CDH11: variants seen among roughly 807,000 people sequenced by gnomAD.
CDH11 encodes cadherin 11.
CDH11 carries 11 observed loss-of-function variants against 67.8 expected under a neutral mutation model. The ratio of observed to expected loss-of-function variants is 0.16; its 90% CI spans 0.10 to 0.27. The LOEUF (loss-of-function observed/expected upper bound fraction) is 0.27, where lower values mean the gene tolerates loss of function less well. CDH11 is among the 10% of genes least tolerant of loss of function. The pLI is 1.00. For missense variants in CDH11, 847 were observed against 1,031.2 expected (o/e 0.82, Z 2.45); for synonymous variants, 419 against 400.0 (o/e 1.05, Z -0.57).
chr16:64,992,971 T>G lies in CDH11; in HGVS notation c.587A>C (p.Lys196Thr), dbSNP rs2072668536. The G allele has an allele frequency of 6.2e-7, 1 of 1,612,012 alleles. No homozygotes were observed. Among genetic ancestry groups the G allele is most frequent in the Non-Finnish European group, 8.5e-7 (1 of 1,178,104 alleles). ...ADDPTYGNSA[K>T]LVYSILEGQP... ...TCCTTCGAGGATACTGTACACTAAC[T>G]TGGCGCTATTTCCATAAGTGGGGTC... The change falls in exon 5 of 13, where the codon AAG becomes ACG. Residue 196 changes from lysine (K) to threonine (T), a missense_variant. Coordinates refer to ENST00000268603, the MANE Select transcript of CDH11 (RefSeq NM_001797.4).
At chr16:65,097,117 C>T (rs573069905) in intron 1 of CDH11, among the ~76,000 whole-genome samples, 2 of 152,190 alleles carry the variant, frequency 1.3e-5, no homozygotes, top group African/African-American at 4.8e-5. Flanking sequence ...GGTTGTTTTA[C>T]ATACACAGAG....
chr16:65,067,569 A>C (rs999385659), intron 1 of CDH11, among the ~76,000 whole-genome samples: 1 of 152,068 alleles, frequency 6.6e-6, no homozygotes, highest in Non-Finnish European at 1.5e-5. Context: ...TTGCTCATTC[A>C]TTCATTCTTT....
chr16:65,113,869 A>G (rs796665648), intron 1 of CDH11, among the ~76,000 whole-genome samples: 3 of 152,258 alleles, frequency 2.0e-5, no homozygotes, highest in African/African-American at 4.8e-5. Flanking sequence ...TAAGTAGCTC[A>G]TGAGGGCATT....
Position 64,962,525 on chromosome 16 carries a change from A to T in CDH11, c.1642+9054T>A, listed in dbSNP as rs142535888. 6.6e-5 allele frequency among the ~76,000 whole-genome samples: 10 copies of T among 152,140 alleles called. No individual in the cohort carries two copies. In the East Asian group the frequency reaches 1.9e-3, roughly 29 times the overall value. On this transcript the variant is annotated intron_variant, in intron 11 of 12. Transcript: ENST00000268603. ...AAATTGATGGAGGCCCAGTGTGGAG[A>T]AGTTAAAATCTCTAGGGGAACCCAG... is the stretch of plus-strand genomic sequence containing the variant.
chr16:65,067,887 G>C (rs980474746), intron 1 of CDH11, among the ~76,000 whole-genome samples: 1 of 140,112 alleles, frequency 7.1e-6, no homozygotes, highest in Non-Finnish European at 1.6e-5. Context: ...AGGAAGGGAG[G>C]GAGAGAGGAA....
chr16:65,072,630 G>C (rs2074438234), intron 1 of CDH11, among the ~76,000 whole-genome samples: 1 of 152,200 alleles, frequency 6.6e-6, no homozygotes, highest in Non-Finnish European at 1.5e-5. Context: ...TAAAGGGGTA[G>C]ATTTTTCAGA....
At chr16:64,965,414 T>A (rs1174716430) in intron 11 of CDH11, among the ~76,000 whole-genome samples, 1 of 151,890 alleles carries the variant, frequency 6.6e-6, no homozygotes, top group African/African-American at 2.4e-5. Context: ...AACTAAGATG[T>A]AAACCCACAC....
At chr16:65,012,844 A>T (rs2142552628) in intron 2 of CDH11, among the ~76,000 whole-genome samples, 1 of 152,344 alleles carries the variant, frequency 6.6e-6, no homozygotes, top group Admixed American at 6.5e-5. Context: ...TAGCTGTATG[A>T]ATCACTTGTT....
intron 12 of CDH11, 38 bp downstream of exon 12, chr16:64,950,729 C>T (rs1250922795): frequency 1.9e-6 from 3 of 1,602,072 alleles, no homozygotes; most frequent in Admixed American, 1.7e-5. Context: ...CATCCGGTTG[C>T]CTGGCCCTTC....
rs143177936 is a variant in CDH11, at chr16:64,992,625, G to A, written c.643+290C>T. ...TGTGAGGAATATAGAGAGCACTGTG[G>A]AAGACTTAGTCCTTATTGCTCTCTT... On this transcript the variant is annotated intron_variant, in intron 5 of 12. Coordinates refer to ENST00000268603, the MANE Select transcript of CDH11 (RefSeq NM_001797.4). 1.6e-4 allele frequency among the ~76,000 whole-genome samples: 24 copies of A among 152,316 alleles called. No homozygotes were observed. The East Asian group carries it at 4.1e-3, about 26-fold the overall frequency.
At chr16:65,122,625 G>A (rs2075354363), upstream of CDH11, among the ~76,000 whole-genome samples, 1 of 152,126 alleles carries the variant, frequency 6.6e-6, no homozygotes, top group Non-Finnish European at 1.5e-5. Flanking sequence ...CCTCAACGTT[G>A]GCGGCTCCTG....
intron 1 of CDH11, among the ~76,000 whole-genome samples, chr16:65,110,098 C>T (rs139019429): frequency 7.7e-4 from 117 of 152,134 alleles, no homozygotes; most frequent in Middle Eastern, 3.4e-3. Context: ...CTCAAACTCC[C>T]GGGCTCAAGC....
At chr16:65,003,223 G>A (rs2072967276) in intron 3 of CDH11, among the ~76,000 whole-genome samples, 1 of 151,354 alleles carries the variant, frequency 6.6e-6, no homozygotes, top group African/African-American at 2.4e-5. Context: ...AACTGGCATT[G>A]TTAATAATCA....
At chr16:65,069,680 A>G (rs547967618) in intron 1 of CDH11, among the ~76,000 whole-genome samples, 1 of 152,328 alleles carries the variant, frequency 6.6e-6, no homozygotes, top group South Asian at 2.1e-4. Context: ...GAATCATCGA[A>G]GTGTCAAATT....
At chr16:65,109,660 A>C (rs1271318024) in intron 1 of CDH11, among the ~76,000 whole-genome samples, 1 of 152,088 alleles carries the variant, frequency 6.6e-6, no homozygotes, top group African/African-American at 2.4e-5. Context: ...AGATTTTTGC[A>C]TTGGCTCCTT....
At chr16:65,079,895 C>G (rs893496116) in intron 1 of CDH11, among the ~76,000 whole-genome samples, 12 of 152,164 alleles carry the variant, frequency 7.9e-5, no homozygotes, top group Admixed American at 6.5e-4. Flanking sequence ...GGAAACATCT[C>G]TTTTCTTTGC....
At chr16:64,960,646 G>A (rs1171250254) in intron 11 of CDH11, among the ~76,000 whole-genome samples, 1 of 152,060 alleles carries the variant, frequency 6.6e-6, no homozygotes, top group Non-Finnish European at 1.5e-5. Flanking sequence ...ATGGACATGT[G>A]AGAGCATGGC....
chr16:64,988,975 G>C lies in CDH11; in HGVS notation c.812-631C>G, dbSNP rs944613400. On this transcript the variant is annotated intron_variant, in intron 6 of 12. Transcript: ENST00000268603. ...TATATATTTATTTAATGTTTATTGG[G>C]AGCCTAATACTGTACATGGAGGTAC... is the stretch of plus-strand genomic sequence containing the variant. Among the ~76,000 whole-genome samples, 5 of 152,164 alleles carry C rather than the reference G, an allele frequency of 3.3e-5. No homozygotes were observed. In the East Asian group the frequency reaches 9.7e-4, roughly 29 times the overall value.
chr16:65,097,650 T>C (rs550269690), intron 1 of CDH11, among the ~76,000 whole-genome samples: 1 of 152,288 alleles, frequency 6.6e-6, no homozygotes, highest in East Asian at 1.9e-4. Flanking sequence ...CTTTTTATTT[T>C]TCTAAAAATG....
Sources: gnomAD v4.1 joint callset for allele counts (sites outside exome capture counted in the v4.1 genomes callset) on GRCh38, gnomAD v4.1.1 for gene constraint, MANE v1.5 for transcripts, NCBI Gene and HGNC (gene_info 2026-07-23, HGNC 2026-07-21) for gene names.